Variants in ZNF638 observed in about 807,000 individuals in gnomAD.
The protein encoded by ZNF638 is zinc finger protein 638, also known as CTCL tumor antigen se33-1.
A neutral mutation model predicts 195.6 loss-of-function variants in ZNF638; 46 were observed. That is an observed-to-expected ratio of 0.24 (90% CI 0.19 to 0.30). The LOEUF (loss-of-function observed/expected upper bound fraction) is 0.30, where lower values mean the gene tolerates loss of function less well. Among genes scored for constraint, ZNF638 ranks in the 10% least tolerant of loss-of-function variants. The pLI is 1.00. For synonymous variants in ZNF638, 845 were observed against 772.0 expected (o/e 1.09, Z -1.57); for missense variants, 2,440 against 2,325.3 (o/e 1.05, Z -1.01).
intron 2 of ZNF638, among the ~76,000 whole-genome samples, chr2:71,355,497 C>G (rs1358400297): frequency 6.6e-6 from 1 of 152,098 alleles, no homozygotes; most frequent in Non-Finnish European, 1.5e-5. Context: ...GTTTTCTGTA[C>G]TAAAATATTT....
chr2:71,382,153 T>C (rs957915047), intron 10 of ZNF638, among the ~76,000 whole-genome samples: 25 of 152,182 alleles, frequency 1.6e-4, no homozygotes, highest in African/African-American at 6.0e-4. Context: ...GATGATATTA[T>C]TGATTACAAT....
At chr2:71,431,060 GTATTA>G in intron 25 of ZNF638, 1 of 303,058 alleles carries the variant, frequency 3.3e-6, no homozygotes, top group South Asian at 4.4e-5. Context: ...GATAGGACTT[GTATTA>G]CTTCGTTAAA....
chr2:71,368,909 A>G (rs1003886710), intron 7 of ZNF638, among the ~76,000 whole-genome samples: 2 of 152,276 alleles, frequency 1.3e-5, no homozygotes, highest in Non-Finnish European at 2.9e-5. Context: ...ATTACTTTAG[A>G]ACACCAGTTA....
At chr2:71,363,290 A>G (rs1366651316) in intron 4 of ZNF638, 99 bp downstream of exon 4, 9 of 934,956 alleles carry the variant, frequency 9.6e-6, no homozygotes, top group Non-Finnish European at 1.4e-5. Flanking sequence ...TACTTCTGCC[A>G]TTTAAACAAC....
At chr2:71,406,307 G>T (rs370320457) in intron 19 of ZNF638, 45 bp downstream of exon 19, 33 of 1,563,164 alleles carry the variant, frequency 2.1e-5, no homozygotes, top group Non-Finnish European at 2.9e-5. Flanking sequence ...TGTAAAGAAT[G>T]TATAATAACC....
chr2:71,363,274 G>C (rs2079138997), intron 4 of ZNF638, 83 bp downstream of exon 4: 1 of 1,047,304 alleles, frequency 9.5e-7, no homozygotes, highest in Admixed American at 2.5e-5. Flanking sequence ...TGATTCTTTT[G>C]AGTTCTACTT....
rs368132252 is a variant in ZNF638, at chr2:71,354,954, T to A, written c.1318-765T>A. Among the ~76,000 whole-genome samples the A allele has an allele frequency of 4.0e-5, 6 of 151,876 alleles. No individual in the cohort carries two copies. In the South Asian group the frequency reaches 8.3e-4, roughly 21 times the overall value. On this transcript the variant is annotated intron_variant, in intron 2 of 27. Transcript: ENST00000264447. ...GTACTGGTCTATCAGGTAGCATTTT[T>A]ATTTTATTTTTATTTTTATTTTTAT...
chr2:71,424,614 A>G (rs780844401), intron 22 of ZNF638, 36 bp from the exon 23 acceptor site: 2 of 1,545,072 alleles, frequency 1.3e-6, no homozygotes, highest in East Asian at 4.5e-5. Flanking sequence ...ATGGTTGTAA[A>G]TTCCGTTTTT....
intron 1 of ZNF638, among the ~76,000 whole-genome samples, chr2:71,339,612 C>G (rs575259043): frequency 1.4e-4 from 21 of 152,340 alleles, no homozygotes; most frequent in African/African-American, 4.6e-4. Flanking sequence ...TGAATACCTT[C>G]ATTATTGTCT....
intron 1 of ZNF638, among the ~76,000 whole-genome samples, chr2:71,336,217 C>G (rs2078664738): frequency 6.6e-6 from 1 of 151,826 alleles, no homozygotes; most frequent in Non-Finnish European, 1.5e-5. Context: ...ACTAAAAATA[C>G]AAAATTAGCT....
chr2:71,400,047 T>C lies in ZNF638; in HGVS notation c.2588-65T>C, dbSNP rs1355439677. 3.0e-6 allele frequency: 4 copies of C among 1,335,418 alleles called. No homozygotes were observed. In the East Asian group the frequency reaches 9.6e-5, roughly 32 times the overall value. 82.7% of individuals were successfully genotyped at this position (1,335,418 alleles called of 1,614,324 possible). ...ATGTCAAACTAGCTTAAGTTCCTGT[T>C]TAGATTCATTAGTTTAATTATATTA... On this transcript the variant is annotated intron_variant, in intron 13 of 27. Transcript: ENST00000264447.
chr2:71,338,859 T>C (rs900277158), intron 1 of ZNF638, among the ~76,000 whole-genome samples: 3 of 152,236 alleles, frequency 2.0e-5, no homozygotes, highest in Non-Finnish European at 2.9e-5. Flanking sequence ...TTTAAAAATA[T>C]ATGTAAATTG....
chr2:71,336,777 A>T (rs929675602), intron 1 of ZNF638, among the ~76,000 whole-genome samples: 2 of 152,212 alleles, frequency 1.3e-5, no homozygotes, highest in African/African-American at 4.8e-5. Context: ...TGCTCAGGGT[A>T]ACATTGTTAG....
chr2:71,402,790 A>G (rs1020877290), intron 16 of ZNF638, among the ~76,000 whole-genome samples: 1 of 152,190 alleles, frequency 6.6e-6, no homozygotes, highest in Admixed American at 6.5e-5. Context: ...CATGGAAATG[A>G]CACCATTAGA....
At chr2:71,380,336 A>G in intron 9 of ZNF638, 56 bp downstream of exon 9, 5 of 1,358,224 alleles carry the variant, frequency 3.7e-6, no homozygotes, top group Non-Finnish European at 5.0e-6. Context: ...GACTTAAGAA[A>G]TTTTAATTTT....
Position 71,423,464 on chromosome 2 carries a change from C to T in ZNF638, c.3950C>T (p.Thr1317Ile), listed in dbSNP as rs749709808. 3.3e-5 allele frequency: 54 copies of T among 1,613,078 alleles called. No homozygotes were observed. In the East Asian group the frequency reaches 1.0e-3, roughly 30 times the overall value. Reference sequence around the variant, plus strand: ...GAAAAGGAGGAGAAGGAATTTAATACTAAGGAAACCAGAATGGATCTTCAA... The same window carrying T: ...GAAAAGGAGGAGAAGGAATTTAATATTAAGGAAACCAGAATGGATCTTCAA... ...MDEKEEKEFN[T>I]KETRMDLQIG... Residue 1317 changes from threonine (T) to isoleucine (I), a missense_variant, in exon 22 of 28, where the codon ACT becomes ATT. Coordinates refer to ENST00000264447, the MANE Select transcript of ZNF638 (RefSeq NM_014497.5).
intron 27 of ZNF638, chr2:71,433,497 C>G: frequency 2.1e-6 from 1 of 479,570 alleles, no homozygotes; most frequent in Admixed American, 3.7e-5. Context: ...AGAGTAGATT[C>G]TGCAGATCAC....
rs1408460444 is a variant in ZNF638 at position 71,428,703 on chromosome 2, A to G, written c.5650+52A>G. The G allele has an allele frequency of 2.7e-6, 4 of 1,473,724 alleles. No homozygotes were observed. The Admixed American group carries it at 7.7e-5, about 28-fold the overall frequency. 91.3% of individuals were successfully genotyped at this position (1,473,724 alleles called of 1,614,324 possible). ...GGAAAGTTACACAACACAGGAGAGT[A>G]GTTGAAGTTTAAAGATCTATCTAAG... is the stretch of plus-strand genomic sequence containing the variant. On this transcript the variant is annotated intron_variant, in intron 25 of 27. Transcript: ENST00000264447.
At chr2:71,369,212 A>T (rs757944655) in intron 7 of ZNF638, among the ~76,000 whole-genome samples, 1 of 151,676 alleles carries the variant, frequency 6.6e-6, no homozygotes, top group Non-Finnish European at 1.5e-5. Context: ...AATCCCACCT[A>T]CGTGGGAGGT....
Sources: gnomAD v4.1 joint callset for allele counts (sites outside exome capture counted in the v4.1 genomes callset) on GRCh38, gnomAD v4.1.1 for gene constraint, MANE v1.5 for transcripts, NCBI Gene and HGNC (gene_info 2026-07-23, HGNC 2026-07-21) for gene names.